Variants in KCTD3 observed in about 807,000 individuals in gnomAD.
KCTD3 encodes potassium channel tetramerization domain containing 3, also known as BTB/POZ domain-containing protein KCTD3.
A neutral mutation model predicts 85.8 loss-of-function variants in KCTD3; 41 were observed. The ratio of observed to expected loss-of-function variants is 0.48; its 90% CI spans 0.37 to 0.62. The LOEUF (loss-of-function observed/expected upper bound fraction) is 0.62. KCTD3 is among the 20% of genes least tolerant of loss of function. The pLI is 0.00. For missense variants in KCTD3, 724 were observed against 989.9 expected (o/e 0.73, Z 3.60); for synonymous variants, 338 against 345.4 (o/e 0.98, Z 0.24).
intron 1 of KCTD3, among the ~76,000 whole-genome samples, chr1:215,572,157 C>T (rs1571868941): frequency 1.3e-5 from 2 of 152,266 alleles, no homozygotes; most frequent in East Asian, 1.9e-4. Flanking sequence ...GCCTGCAGAT[C>T]GTACAGAAGA....
intron 7 of KCTD3, 78 bp downstream of exon 7, chr1:215,579,215 A>G: frequency 7.8e-7 from 1 of 1,286,040 alleles, no homozygotes; most frequent in Non-Finnish European, 1.1e-6. Flanking sequence ...AATTACTTTT[A>G]AAGATTTTTG....
chr1:215,579,794 G>A (rs957513073), intron 7 of KCTD3, 115 bp from the exon 8 acceptor site: 11 of 688,426 alleles, frequency 1.6e-5, no homozygotes, highest in African/African-American at 5.3e-5. Context: ...CACTGTGCCC[G>A]GCTCTTAACA....
chr1:215,585,015 T>TG (rs1190816674), intron 8 of KCTD3, among the ~76,000 whole-genome samples: 1 of 152,118 alleles, frequency 6.6e-6, no homozygotes, highest in Non-Finnish European at 1.5e-5. Context: ...TCCTTTGGGT[T>TG]GGGGGTCTCT....
At chr1:215,571,686 A>T (rs1175368213) in intron 1 of KCTD3, among the ~76,000 whole-genome samples, 5 of 147,744 alleles carry the variant, frequency 3.4e-5, no homozygotes, top group Non-Finnish European at 5.9e-5. Flanking sequence ...GCTGGAGTGC[A>T]GTGGCGCGAT....
chr1:215,600,656 A>G (rs1182600108), intron 10 of KCTD3, among the ~76,000 whole-genome samples: 5 of 152,240 alleles, frequency 3.3e-5, no homozygotes, highest in African/African-American at 1.2e-4. Context: ...GTGGTACATA[A>G]AAAGTACTTA....
At position 215,621,376 on chromosome 1, in the gene KCTD3, T is replaced by A. The variant is rs376505928; in HGVS notation, c.*758T>A. 10 of 152,226 alleles carry A rather than the reference T, an allele frequency of 6.6e-5. No individual in the cohort carries two copies. In the South Asian group the frequency reaches 1.0e-3, roughly 16 times the overall value. 9.4% of individuals were successfully genotyped at this position (152,226 alleles called of 1,614,324 possible). A position where few individuals can be genotyped will look rare whatever the true frequency, so the allele number is the denominator to read the frequency against. On this transcript the variant is annotated 3_prime_UTR_variant, in exon 18 of 18. Transcript: ENST00000259154. ...GCTTTGAGTGCCCAGAAGGGAAAGC[T>A]GTACCAGTTGCTAACCTGTCTTGTT... is the stretch of plus-strand genomic sequence containing the variant.
intron 9 of KCTD3, among the ~76,000 whole-genome samples, chr1:215,591,317 TC>T (rs1265539613): frequency 2.0e-5 from 3 of 148,206 alleles, no homozygotes; most frequent in Non-Finnish European, 3.0e-5. Flanking sequence ...CTTCCTTCCT[TC>T]CTTCCTTCCT....
At chr1:215,613,630 T>A (rs1327085392) in intron 15 of KCTD3, among the ~76,000 whole-genome samples, 1 of 152,174 alleles carries the variant, frequency 6.6e-6, no homozygotes, top group Non-Finnish European at 1.5e-5. Flanking sequence ...TTTACAGTTT[T>A]AGGTTTTACA....
In KCTD3 at chr1:215,575,984, G is replaced by A. The variant is rs1361542909; in HGVS notation, c.257+10G>A. 3 of 1,354,554 alleles carry A rather than the reference G, an allele frequency of 2.2e-6. No individual in the cohort carries two copies. Among genetic ancestry groups the A allele is most frequent in the African/African-American group, 3.0e-5 (2 of 66,986 alleles). 83.9% of individuals were successfully genotyped at this position (1,354,554 alleles called of 1,614,324 possible). On this transcript the variant is annotated intron_variant, in intron 4 of 17. Coordinates refer to ENST00000259154, the MANE Select transcript of KCTD3 (RefSeq NM_016121.5). ...AAGAACTAGACTTAAGGTAAGAAAT[G>A]CACTCTTTTTAAAGTAAATTCTTAC...
intron 8 of KCTD3, 64 bp from the exon 9 acceptor site, chr1:215,586,431 G>A: frequency 8.0e-7 from 1 of 1,257,626 alleles, no homozygotes; most frequent in Non-Finnish European, 1.1e-6. Context: ...TTGGTGCATT[G>A]ATGTGTATTC....
chr1:215,601,214 G>C (rs1233871829), intron 10 of KCTD3, among the ~76,000 whole-genome samples: 1 of 152,106 alleles, frequency 6.6e-6, no homozygotes, highest in Non-Finnish European at 1.5e-5. Flanking sequence ...GCACAAATAT[G>C]GGAAGGTATT....
intron 14 of KCTD3, 22 bp downstream of exon 14, chr1:215,608,194 C>T (rs977566314): frequency 1.8e-5 from 29 of 1,583,214 alleles, no homozygotes; most frequent in Non-Finnish European, 2.0e-5. Flanking sequence ...TATTTTAGGG[C>T]ATTTTTAGGT....
intron 1 of KCTD3, among the ~76,000 whole-genome samples, chr1:215,570,256 T>C (rs1659311197): frequency 6.6e-6 from 1 of 150,790 alleles, no homozygotes; most frequent in African/African-American, 2.4e-5. Context: ...CTCAGGAGAA[T>C]AGACATGAAA....
intron 4 of KCTD3, among the ~76,000 whole-genome samples, chr1:215,576,672 A>C (rs1305447294): frequency 6.6e-6 from 1 of 151,204 alleles, no homozygotes; most frequent in Non-Finnish European, 1.5e-5. Flanking sequence ...GGTTCACGCC[A>C]TTCTCCTGCC....
chr1:215,586,711 A>C, intron 9 of KCTD3, 26 bp downstream of exon 9: 1 of 1,568,326 alleles, frequency 6.4e-7, no homozygotes, highest in Non-Finnish European at 8.7e-7. Context: ...TTTATGTTGC[A>C]ATTTGATGAT....
In KCTD3 at chr1:215,579,057, T is replaced by C. The variant is rs1440735285; in HGVS notation, c.455T>C (p.Leu152Pro). ...TVRSADSRNG[L>P]NSTEGEARGN... ...AGATCTGCTGATTCTAGGAATGGTC[T>C]AAATTCTACAGAAGGTGAAGCCCGG... Residue 152 changes from leucine to proline, a missense_variant, in exon 7 of 18, where the codon CTA becomes CCA. By Grantham distance (98) the Leu-to-Pro change is moderately conservative (BLOSUM62 -3). Transcript: ENST00000259154. 2 of 1,592,388 alleles carry C rather than the reference T, an allele frequency of 1.3e-6. No homozygotes were observed. Among genetic ancestry groups the C allele is most frequent in the Non-Finnish European group, 1.7e-6 (2 of 1,172,608 alleles).
chr1:215,574,725 GAT>G (rs1341672736), intron 3 of KCTD3, among the ~76,000 whole-genome samples: 1 of 152,182 alleles, frequency 6.6e-6, no homozygotes, highest in Non-Finnish European at 1.5e-5. Flanking sequence ...ACAAATCTGT[GAT>G]GTCTCTTCGA....
At chr1:215,567,926 T>G (rs995196684) in intron 1 of KCTD3, among the ~76,000 whole-genome samples, 158 bp downstream of exon 1, 1 of 151,718 alleles carries the variant, frequency 6.6e-6, no homozygotes, top group Non-Finnish European at 1.5e-5. Flanking sequence ...GTCGGGCGGA[T>G]TTTGGAGCTG....
intron 15 of KCTD3, among the ~76,000 whole-genome samples, chr1:215,615,671 T>C (rs929326282): frequency 2.0e-5 from 3 of 151,380 alleles, no homozygotes; most frequent in Non-Finnish European, 4.4e-5. Context: ...TTCAAAATTA[T>C]GTTTGTTTTG....
Sources: gnomAD v4.1 joint callset for allele counts (sites outside exome capture counted in the v4.1 genomes callset) on GRCh38, gnomAD v4.1.1 for gene constraint, MANE v1.5 for transcripts, NCBI Gene and HGNC (gene_info 2026-07-23, HGNC 2026-07-21) for gene names.